Variants in ZFHX3 observed in about 807,000 individuals in gnomAD.
ZFHX3 encodes the protein zinc finger homeobox protein 3.
Under a neutral mutation model 279.1 loss-of-function variants are expected in ZFHX3, and 42 were observed. The ratio of observed to expected loss-of-function variants is 0.15; its 90% CI spans 0.12 to 0.19. The LOEUF (loss-of-function observed/expected upper bound fraction) is 0.19, where lower values mean the gene tolerates loss of function less well. ZFHX3 is among the 10% of genes least tolerant of loss of function. ZFHX3 has a pLI of 1.00. For synonymous variants in ZFHX3, 2,293 were observed against 1,957.8 expected, an observed-to-expected ratio of 1.17 and a Z score of -4.52; for missense variants, 4,981 against 4,754.0, an observed-to-expected ratio of 1.05 and a Z score of -1.40.
At chr16:73,627,706 C>T (rs905650130) in intron 2 of ZFHX3, among the ~76,000 whole-genome samples, 5 of 152,158 alleles carry the variant, frequency 3.3e-5, no homozygotes, top group Non-Finnish European at 7.3e-5. Context: ...ATCACGAGGT[C>T]AGGAGATTAA....
At chr16:73,495,857 A>C (rs1212702824) in intron 2 of ZFHX3, among the ~76,000 whole-genome samples, 1 of 152,242 alleles carries the variant, frequency 6.6e-6, no homozygotes, top group Non-Finnish European at 1.5e-5. Context: ...TAAACAGCTT[A>C]AAACTGCAGG....
intron 2 of ZFHX3, among the ~76,000 whole-genome samples, chr16:73,497,008 T>A (rs1258578308): frequency 6.6e-6 from 1 of 152,156 alleles, no homozygotes; most frequent in Admixed American, 6.5e-5. Flanking sequence ...AGGCTGAGGG[T>A]GGTCACAGCT....
Position 72,959,687 on chromosome 16 carries a change from G to A in ZFHX3, c.459C>T (p.Gly153=), listed in dbSNP as rs760184151. ...CACTGCCACTCCCACAGGCGCCCCCGCCCTGGGTCAGCTGGCTCAGGCTCT... is the reference window on the plus strand; with the variant it reads ...CACTGCCACTCCCACAGGCGCCCCCACCCTGGGTCAGCTGGCTCAGGCTCT... The part of the protein sequence containing the change: ...IVESLSQLTQ[G]GGACGSGSGS... The change falls in exon 2 of 10, where the codon GGC becomes GGT. Residue 153 remains glycine, a synonymous_variant. Coordinates refer to ENST00000268489, the MANE Select transcript of ZFHX3 (RefSeq NM_006885.4). The A allele has an allele frequency of 1.1e-4, 172 of 1,613,826 alleles. No homozygotes were observed. The Admixed American group carries it at 2.2e-3, about 21-fold the overall frequency.
intron 1 of ZFHX3, among the ~76,000 whole-genome samples, chr16:73,778,339 T>C (rs1174815864): frequency 6.6e-6 from 1 of 152,034 alleles, no homozygotes; most frequent in East Asian, 1.9e-4. Context: ...CATTTATTCA[T>C]TTGATCACCA....
chr16:73,193,844 T>C (rs1968091452), intron 5 of ZFHX3, among the ~76,000 whole-genome samples: 1 of 152,236 alleles, frequency 6.6e-6, no homozygotes, highest in Admixed American at 6.5e-5. Flanking sequence ...TCCCATCTGA[T>C]AAGGATTGTG....
intron 4 of ZFHX3, among the ~76,000 whole-genome samples, chr16:72,885,383 G>A (rs967854683): frequency 6.6e-6 from 1 of 152,230 alleles, no homozygotes; most frequent in Non-Finnish European, 1.5e-5. Flanking sequence ...GATCCTGGCT[G>A]CTACCAGAAG....
chr16:73,271,664 G>A (rs2144980730), intron 4 of ZFHX3, among the ~76,000 whole-genome samples: 2 of 152,356 alleles, frequency 1.3e-5, no homozygotes, highest in South Asian at 4.1e-4. Flanking sequence ...TGAAACGAGA[G>A]GATGGTTAAG....
At chr16:72,807,127 G>A (rs1000659097) in intron 7 of ZFHX3, 3 of 152,186 alleles carry the variant, frequency 2.0e-5, no homozygotes, top group Non-Finnish European at 4.4e-5. Context: ...GGGAAAATAA[G>A]GGCACCGAGC....
chr16:73,257,364 T>A (rs2013688745), intron 4 of ZFHX3, among the ~76,000 whole-genome samples: 1 of 152,212 alleles, frequency 6.6e-6, no homozygotes, highest in Non-Finnish European at 1.5e-5. Flanking sequence ...TTCAGATGTG[T>A]CTTGACAAGG....
At chr16:73,712,300 C>T (rs998950496) in intron 1 of ZFHX3, among the ~76,000 whole-genome samples, 4 of 152,190 alleles carry the variant, frequency 2.6e-5, no homozygotes, top group East Asian at 1.9e-4. Context: ...CCTGCCTCCT[C>T]GTCAGATGTC....
chr16:73,141,751 G>A lies in ZFHX3; in HGVS notation c.-1024+2001C>T, dbSNP rs140528460. Among the ~76,000 whole-genome samples, 378 of 152,214 alleles carry A rather than the reference G, an allele frequency of 2.5e-3. 4 individuals are homozygous for A. Among genetic ancestry groups the A allele is most frequent in the African/African-American group, 8.7e-3 (361 of 41,520 alleles). On this transcript the variant is annotated intron_variant, in intron 6 of 17. Coordinates refer to the ZFHX3 transcript ENST00000641206. ...TACCACCCTCCCTTTGAGGTAGGTG[G>A]CATTATCATTCCAGTTTTTCAGATT... is the stretch of plus-strand genomic sequence containing the variant.
Position 73,501,697 on chromosome 16 carries a change from G to A in ZFHX3, c.-1546-45439C>T, listed in dbSNP as rs567011740. On this transcript the variant is annotated intron_variant, in intron 2 of 17. Transcript: ENST00000641206. Reference sequence around the variant, plus strand: ...CATCTTAGAGCAGGACTCAAACTGCGAACAAAATGGAAAATGTCTCAAAGA... The same window carrying A: ...CATCTTAGAGCAGGACTCAAACTGCAAACAAAATGGAAAATGTCTCAAAGA... 9.2e-5 allele frequency among the ~76,000 whole-genome samples: 14 copies of A among 152,154 alleles called. No individual in the cohort carries two copies. The South Asian group carries it at 1.9e-3, about 20-fold the overall frequency.
Position 72,799,402 on chromosome 16 carries a change from T to C in ZFHX3, c.3967+625A>G, listed in dbSNP as rs142311742. Among the ~76,000 whole-genome samples the C allele has an allele frequency of 5.3e-5, 8 of 152,224 alleles. No individual in the cohort carries two copies. The East Asian group carries it at 1.5e-3, about 29-fold the overall frequency. On this transcript the variant is annotated intron_variant, in intron 8 of 9. Coordinates refer to ENST00000268489, the MANE Select transcript of ZFHX3 (RefSeq NM_006885.4). Reference sequence around the variant, plus strand: ...CAGGTCATTTGTCCATTGTCTAATATGGAAAACTCACAAGAAAGAGAGAAG... The same window carrying C: ...CAGGTCATTTGTCCATTGTCTAATACGGAAAACTCACAAGAAAGAGAGAAG...
intron 6 of ZFHX3, among the ~76,000 whole-genome samples, chr16:73,133,021 C>G (rs1011382385): frequency 7.2e-5 from 11 of 152,198 alleles, no homozygotes. Flanking sequence ...TGATGAGCAA[C>G]CTTGGCAACA....
intron 4 of ZFHX3, among the ~76,000 whole-genome samples, chr16:73,267,551 C>G (rs184810835): frequency 2.0e-5 from 3 of 152,230 alleles, no homozygotes; most frequent in African/African-American, 7.2e-5. Context: ...AAGGGACGAG[C>G]CTCAATGACA....
chr16:73,100,116 C>T (rs1359419605), intron 7 of ZFHX3, among the ~76,000 whole-genome samples: 1 of 152,178 alleles, frequency 6.6e-6, no homozygotes, highest in Non-Finnish European at 1.5e-5. Context: ...CGGGGCTCCA[C>T]CATTGAGCCT....
chr16:73,118,335 A>T (rs1328889711), intron 7 of ZFHX3, among the ~76,000 whole-genome samples: 1 of 152,120 alleles, frequency 6.6e-6, no homozygotes, highest in African/African-American at 2.4e-5. Context: ...CAGCCTCCTG[A>T]ATAGCTGGGA....
chr16:73,250,046 A>C (rs1037229410), intron 5 of ZFHX3, among the ~76,000 whole-genome samples: 9 of 152,196 alleles, frequency 5.9e-5, no homozygotes, highest in African/African-American at 1.9e-4. Flanking sequence ...TATGTAATGC[A>C]GAAGGTACTT....
chr16:73,818,471 G>C (rs1960641901), intron 1 of ZFHX3, among the ~76,000 whole-genome samples: 1 of 152,146 alleles, frequency 6.6e-6, no homozygotes, highest in Non-Finnish European at 1.5e-5. Context: ...CATCAACGCA[G>C]CATCATTATA....
Sources: allele counts gnomAD v4.1 joint callset (sites outside exome capture counted in the v4.1 genomes callset), GRCh38; gene constraint gnomAD v4.1.1; transcripts MANE v1.5; gene names NCBI Gene and HGNC (gene_info 2026-07-23, HGNC 2026-07-21).